Variants in HEATR4 observed in about 807,000 individuals in gnomAD.
HEATR4 encodes HEAT repeat-containing protein 4.
HEATR4 carries 95 observed loss-of-function variants against 108.8 expected under a neutral mutation model. The observed-to-expected ratio is 0.87, with a 90% confidence interval of 0.74 to 1.04. HEATR4 has a LOEUF of 1.04. HEATR4 is among the 50% of genes least tolerant of loss of function. HEATR4 has a pLI of 0.00. For missense variants in HEATR4, 1,152 were observed against 1,253.8 expected (o/e 0.92, Z 1.23); for synonymous variants, 443 against 459.4 (o/e 0.96, Z 0.46).
intron 2 of HEATR4, among the ~76,000 whole-genome samples, chr14:73,523,897 G>A (rs952770225): frequency 2.0e-5 from 3 of 152,118 alleles, no homozygotes; most frequent in Admixed American, 2.0e-4. Flanking sequence ...AAATATTTGA[G>A]ACTCTAATTC....
At chr14:73,493,861 A>G (rs981961039) in intron 16 of HEATR4, among the ~76,000 whole-genome samples, 3 of 152,208 alleles carry the variant, frequency 2.0e-5, no homozygotes, top group Non-Finnish European at 4.4e-5. Context: ...AAAACAAAAA[A>G]GAATCTTATC....
At chr14:73,600,289 C>A in the HEATR4 span, among the ~76,000 whole-genome samples, 7 of 152,068 alleles carry the variant, frequency 4.6e-5, no homozygotes, top group Non-Finnish European at 1.0e-4. Context: ...GTTCTACCTC[C>A]TGAGTTGAAA....
chr14:73,574,920 G>A, the HEATR4 span: 4 of 1,612,340 alleles, frequency 2.5e-6, no homozygotes, highest in Admixed American at 5.0e-5. Flanking sequence ...AAAAGGTCCA[G>A]GAGTTGGGCT....
chr14:73,563,388 A>G (rs1889558109), upstream of HEATR4, among the ~76,000 whole-genome samples: 3 of 151,550 alleles, frequency 2.0e-5, no homozygotes, highest in South Asian at 6.3e-4. Context: ...TGGGGTCAGG[A>G]GTTTGAGACC....
chr14:73,513,981 A>G (rs762069198), intron 6 of HEATR4, 50 bp downstream of exon 6: 4 of 1,568,104 alleles, frequency 2.6e-6, no homozygotes, highest in Admixed American at 3.3e-5. Flanking sequence ...GTCCCAGATG[A>G]GAACCACTTC....
At chr14:73,568,797 A>C in the HEATR4 span, among the ~76,000 whole-genome samples, 1 of 152,112 alleles carries the variant, frequency 6.6e-6, no homozygotes, top group Non-Finnish European at 1.5e-5. Flanking sequence ...GCTAGTAAGA[A>C]GCCAGCACCC....
intron 17 of HEATR4, among the ~76,000 whole-genome samples, chr14:73,479,324 C>A (rs971534481): frequency 6.6e-6 from 1 of 151,952 alleles, no homozygotes; most frequent in African/African-American, 2.4e-5. Context: ...ACCGTGTTAG[C>A]CAGGAGGGTC....
chr14:73,615,733 CAACAAACA>C, the HEATR4 span, among the ~76,000 whole-genome samples: 288 of 150,458 alleles, frequency 1.9e-3, no homozygotes, highest in Admixed American at 3.8e-3. Flanking sequence ...AACCTTGTCT[CAACAAACA>C]AACAAACAAA....
chr14:73,522,826 C>T lies in HEATR4; in HGVS notation c.327G>A (p.Arg109=), dbSNP rs751973987. ...TAACAGGTTTCTGAGGCCGGGCCTT[C>T]CTGATCTGGGGAGTATGGATGATGT... ...TNDIIHTPQI[R]KARPQKPVSF... Residue 109 remains arginine, a synonymous_variant, in exon 3 of 18, where the codon AGG becomes AGA. Coordinates refer to ENST00000553558, the MANE Select transcript of HEATR4 (RefSeq NM_001220484.1). 17 of 1,614,052 alleles carry T rather than the reference C, an allele frequency of 1.1e-5. No homozygotes were observed. In the Admixed American group the frequency reaches 2.8e-4, roughly 27 times the overall value.
chr14:73,504,076 CTTT>C (rs538654870), intron 10 of HEATR4, among the ~76,000 whole-genome samples: 16 of 127,722 alleles, frequency 1.3e-4, no homozygotes, highest in Non-Finnish European at 1.5e-4. Flanking sequence ...TTTTGCATTT[CTTT>C]TTTTTTTTTT....
the HEATR4 span, chr14:73,574,787 G>A: frequency 6.5e-7 from 1 of 1,540,082 alleles, no homozygotes; most frequent in Non-Finnish European, 8.8e-7. Context: ...TTGCAAATCT[G>A]GGTAAATGGT....
chr14:73,513,662 G>T (rs939388667), intron 6 of HEATR4, among the ~76,000 whole-genome samples: 2 of 137,892 alleles, frequency 1.5e-5, no homozygotes, highest in Non-Finnish European at 3.0e-5. Context: ...AGGAAGCAGA[G>T]GTTGCAGTAA....
rs1888739747 is a variant in HEATR4 at position 73,532,622 on chromosome 14, C to T, written c.-151-2378G>A. Among the ~76,000 whole-genome samples, 2 of 115,072 alleles carry T rather than the reference C, an allele frequency of 1.7e-5. 1 individual carries two copies. The highest frequency in any genetic ancestry group is 5.5e-4 in the South Asian group (2 of 3,640). 75.5% of individuals were successfully genotyped at this position (115,072 alleles called of 152,430 possible). On this transcript the variant is annotated intron_variant, in intron 1 of 17. Transcript: ENST00000553558. ...CTCAAGCTGCACTCAGATGGTTGGA[C>T]CACCATAAAAGAGCGAGAGGGTACG...
chr14:73,518,471 C>T (rs1191556897), intron 5 of HEATR4, among the ~76,000 whole-genome samples: 6 of 152,042 alleles, frequency 3.9e-5, no homozygotes, highest in Non-Finnish European at 4.4e-5. Flanking sequence ...CCACTGGGCC[C>T]ATCTGAACAG....
chr14:73,530,341 T>C (rs1888629165), intron 1 of HEATR4, 97 bp from the exon 2 acceptor site: 1 of 138,970 alleles, frequency 7.2e-6, no homozygotes. Flanking sequence ...CCTAGAAATC[T>C]GCATTTTCAC....
At chr14:73,608,049 C>T in the HEATR4 span, among the ~76,000 whole-genome samples, 4 of 152,022 alleles carry the variant, frequency 2.6e-5, no homozygotes, top group Non-Finnish European at 5.9e-5. Context: ...CTCAGCCTCC[C>T]GAGTAGCTGG....
At chr14:73,567,496 G>C in the HEATR4 span, 1 of 151,928 alleles carries the variant, frequency 6.6e-6, no homozygotes, top group Admixed American at 6.6e-5. Flanking sequence ...TCAGCACTTT[G>C]TAAAACGAAC....
chr14:73,522,787 C>T lies in HEATR4; in HGVS notation c.366G>A (p.Leu122=), dbSNP rs925164644. 1 of 1,614,170 alleles carries T rather than the reference C, an allele frequency of 6.2e-7. No individual in the cohort carries two copies. The highest frequency in any genetic ancestry group is 8.5e-7 in the Non-Finnish European group (1 of 1,180,024). The change falls in exon 3 of 18, where the codon CTG becomes CTA. Residue 122 remains leucine, a synonymous_variant. Transcript: ENST00000553558. ...RPQKPVSFKF[L]GSSSPLTGDT... ...CTCCTGTTAAGGGACTTGAGGAACCCAGGAACTTGAAGCTAACAGGTTTCT... is the reference window on the plus strand; with the variant it reads ...CTCCTGTTAAGGGACTTGAGGAACCTAGGAACTTGAAGCTAACAGGTTTCT...
At chr14:73,630,056 T>A in the HEATR4 span, among the ~76,000 whole-genome samples, 400 of 149,078 alleles carry the variant, frequency 2.7e-3, 2 homozygotes, top group African/African-American at 5.9e-3. Context: ...CAAAAAAATT[T>A]AAAAAAAAAA....
Sources: allele counts gnomAD v4.1 joint callset (sites outside exome capture counted in the v4.1 genomes callset), GRCh38; gene constraint gnomAD v4.1.1; transcripts MANE v1.5; gene names NCBI Gene and HGNC (gene_info 2026-07-23, HGNC 2026-07-21).